The following PFKFB3 variants were observed in gnomAD, a reference collection of about 807,000 sequenced individuals.
PFKFB3 encodes 6-phosphofructo-2-kinase/fructose-2,6-biphosphatase 3.
In PFKFB3, 33 loss-of-function variants were observed where a neutral mutation model predicts 68.0. The observed-to-expected ratio is 0.49, with a 90% confidence interval of 0.37 to 0.65. The LOEUF (loss-of-function observed/expected upper bound fraction) is 0.65, where lower values mean the gene tolerates loss of function less well. Ranked by LOEUF, PFKFB3 falls within the 30% of genes least tolerant of loss-of-function variation. PFKFB3 has a pLI of 0.00. For synonymous variants in PFKFB3, 315 were observed against 288.2 expected (o/e 1.09, Z -0.94); for missense variants, 586 against 712.2 (o/e 0.82, Z 2.02).
intron 1 of PFKFB3, among the ~76,000 whole-genome samples, chr10:6,175,668 A>G (rs1842443329): frequency 6.6e-6 from 1 of 152,224 alleles, no homozygotes; most frequent in Non-Finnish European, 1.5e-5. Context: ...AAACCAAGTA[A>G]GCCAAAAAAA....
chr10:6,274,238 C>G, the PFKFB3 span, among the ~76,000 whole-genome samples: 1 of 152,010 alleles, frequency 6.6e-6, no homozygotes, highest in Non-Finnish European at 1.5e-5. Flanking sequence ...GTGTAAGTCC[C>G]TCCATCTGAA....
At chr10:6,176,018 G>A in intron 1 of PFKFB3, among the ~76,000 whole-genome samples, 1 of 152,244 alleles carries the variant, frequency 6.6e-6, no homozygotes, top group East Asian at 1.9e-4. Context: ...ACAGAAGAAT[G>A]TTCACTGCGG....
At position 6,232,980 on chromosome 10, in the gene PFKFB3, A is replaced by G; in HGVS notation, c.*38A>G. On this transcript the variant is annotated 3_prime_UTR_variant, in exon 15 of 15. Coordinates refer to ENST00000379775, the MANE Select transcript of PFKFB3 (RefSeq NM_004566.4). The stretch of plus-strand genomic sequence containing the variant: ...GGTTCCATTCCATTTCCATTTCTGC[A>G]GCTTAGCTTGTGTCCTGCCCTCCGC... The G allele has an allele frequency of 6.4e-7, 1 of 1,562,356 alleles. No homozygotes were observed.
the PFKFB3 span, among the ~76,000 whole-genome samples, chr10:6,314,138 A>T: frequency 6.6e-6 from 1 of 152,236 alleles, no homozygotes; most frequent in Non-Finnish European, 1.5e-5. Flanking sequence ...CCACTCCCCA[A>T]ACCATTCTAT....
upstream of PFKFB3, among the ~76,000 whole-genome samples, chr10:6,198,263 A>G (rs1564612320): frequency 6.6e-6 from 1 of 150,830 alleles, no homozygotes; most frequent in Non-Finnish European, 1.5e-5. Context: ...AAAAAAAAAG[A>G]AAAAGAAAAG....
rs1402713798 is a variant in PFKFB3 at position 6,203,299 on chromosome 10, C to T, written c.39C>T (p.Ile13=). 2.5e-6 allele frequency: 4 copies of T among 1,611,042 alleles called. No individual in the cohort carries two copies. Among genetic ancestry groups the T allele is most frequent in the Non-Finnish European group, 2.5e-6 (3 of 1,178,732 alleles). ...LELTQSRVQK[I]WVPVDHRPSL... ...TGACGCAGAGCCGAGTGCAGAAGAT[C>T]TGGGTGCCCGTGGACCACAGGCCCT... The change falls in exon 1 of 15, where the codon ATC becomes ATT. Residue 13 remains isoleucine, a synonymous_variant. Transcript: ENST00000379775.
intron 10 of PFKFB3, among the ~76,000 whole-genome samples, chr10:6,222,358 A>G (rs1032488717): frequency 6.6e-6 from 1 of 152,262 alleles, no homozygotes; most frequent in Non-Finnish European, 1.5e-5. Flanking sequence ...GAAAATACAC[A>G]TAACCTAAAA....
rs1048231456 is a variant in PFKFB3 at position 6,231,192 on chromosome 10, C to T, written c.1516-1703C>T. The T allele has an allele frequency of 3.7e-6, 4 of 1,095,450 alleles. No individual in the cohort carries two copies. In the African/African-American group the frequency reaches 6.2e-5, roughly 17 times the overall value. The allele number at this position is 1,095,450 out of a possible 1,614,324, so 67.9% of individuals were successfully genotyped here. ...AAATTTCAAATGCACACTAGAAAATCCTACTAAAGATTTTCTTTTTTTTTT... is the reference window on the plus strand; with the variant it reads ...AAATTTCAAATGCACACTAGAAAATTCTACTAAAGATTTTCTTTTTTTTTT... On this transcript the variant is annotated intron_variant, in intron 14 of 14. Coordinates refer to ENST00000379775, the MANE Select transcript of PFKFB3 (RefSeq NM_004566.4).
intron 1 of PFKFB3, among the ~76,000 whole-genome samples, chr10:6,157,428 G>T (rs1025822334): frequency 6.6e-6 from 1 of 151,924 alleles, no homozygotes; most frequent in Non-Finnish European, 1.5e-5. Flanking sequence ...GGGTTTCACC[G>T]TGTTAGCCAG....
intron 1 of PFKFB3, among the ~76,000 whole-genome samples, chr10:6,212,095 T>C (rs1425090891): frequency 6.6e-6 from 1 of 152,230 alleles, no homozygotes; most frequent in African/African-American, 2.4e-5. Context: ...TGTGCGGCTT[T>C]CAGAGGTTTT....
chr10:6,277,240 T>G, the PFKFB3 span, among the ~76,000 whole-genome samples: 1 of 150,830 alleles, frequency 6.6e-6, no homozygotes, highest in African/African-American at 2.5e-5. Context: ...TTCTTTTCTT[T>G]TCTTTTTTTT....
chr10:6,222,662 C>T (rs1000986448), intron 10 of PFKFB3, 193 bp from the exon 11 acceptor site: 15 of 491,968 alleles, frequency 3.0e-5, no homozygotes, highest in Non-Finnish European at 2.8e-5. Flanking sequence ...CGTGTGGGAG[C>T]GGAGTGGGGA....
chr10:6,255,206 C>T (rs936552309), downstream of PFKFB3, among the ~76,000 whole-genome samples: 3 of 151,750 alleles, frequency 2.0e-5, no homozygotes, highest in South Asian at 6.2e-4. Flanking sequence ...CTCACTGCAA[C>T]CTCTGCCTCC....
intron 1 of PFKFB3, among the ~76,000 whole-genome samples, chr10:6,209,918 T>G (rs1029119361): frequency 1.3e-5 from 2 of 151,394 alleles, no homozygotes; most frequent in African/African-American, 2.4e-5. Flanking sequence ...GCGCCTGCCA[T>G]CACGCCTGGC....
downstream of PFKFB3, among the ~76,000 whole-genome samples, chr10:6,257,466 G>A (rs1035942151): frequency 5.9e-5 from 9 of 152,274 alleles, no homozygotes; most frequent in African/African-American, 1.9e-4. Context: ...AAATCATGAC[G>A]ATGGGAGGTC....
At chr10:6,180,970 A>G (rs1017205898) in intron 1 of PFKFB3, among the ~76,000 whole-genome samples, 24 of 152,192 alleles carry the variant, frequency 1.6e-4, no homozygotes, top group African/African-American at 4.3e-4. Flanking sequence ...GAAGTGAAAC[A>G]GAGACTAGAA....
chr10:6,180,406 A>T (rs1378334099), intron 1 of PFKFB3, among the ~76,000 whole-genome samples: 1 of 152,230 alleles, frequency 6.6e-6, no homozygotes, highest in African/African-American at 2.4e-5. Context: ...ATAGCAGAAT[A>T]GCCATTGTTA....
At chr10:6,219,777 C>A in intron 7 of PFKFB3, 84 bp downstream of exon 7, 1 of 1,485,130 alleles carries the variant, frequency 6.7e-7, no homozygotes, top group Non-Finnish European at 9.2e-7. Context: ...GGATTTGCTC[C>A]TGGATACCTT....
rs953666979 is a variant in PFKFB3, at chr10:6,203,116, G to A, written c.-145G>A. ...GGGTCCGGAACTTAGCCCAAAGCAC[G>A]TTTCCCCTGGCAGCGCAGGAAACGC... On this transcript the variant is annotated 5_prime_UTR_variant, in exon 1 of 15. Transcript: ENST00000379775. The A allele has an allele frequency of 6.8e-7, 1 of 1,478,020 alleles. No individual in the cohort carries two copies. The highest frequency in any genetic ancestry group is 8.9e-7 in the Non-Finnish European group (1 of 1,117,672). The allele number at this position is 1,478,020 out of a possible 1,614,324, so 91.6% of individuals were successfully genotyped here. A position where few individuals can be genotyped will look rare whatever the true frequency, so the allele number is the denominator to read the frequency against.
Sources: gnomAD v4.1 joint callset for allele counts (sites outside exome capture counted in the v4.1 genomes callset) on GRCh38, gnomAD v4.1.1 for gene constraint, MANE v1.5 for transcripts, NCBI Gene and HGNC (gene_info 2026-07-23, HGNC 2026-07-21) for gene names.